VWA5B2: variants seen among roughly 807,000 people sequenced by gnomAD.
The protein encoded by VWA5B2 is von Willebrand factor A domain containing 5B2.
In VWA5B2, 93 loss-of-function variants were observed where a neutral mutation model predicts 118.5. That is an observed-to-expected ratio of 0.79 (90% CI 0.66 to 0.93). The LOEUF is 0.93. Among genes scored for constraint, VWA5B2 ranks in the 40% least tolerant of loss-of-function variants. VWA5B2 has a pLI of 0.00. For synonymous variants in VWA5B2, 708 were observed against 716.3 expected, an observed-to-expected ratio of 0.99 and a Z score of 0.19; for missense variants, 1,546 against 1,672.8, an observed-to-expected ratio of 0.92 and a Z score of 1.32.
In VWA5B2 at chr3:184,239,533, G is replaced by A. The variant is rs1718345559; in HGVS notation, c.2342G>A (p.Gly781Asp). 1 of 1,543,878 alleles carries A rather than the reference G, an allele frequency of 6.5e-7. No homozygotes were observed. The highest frequency in any genetic ancestry group is 8.8e-7 in the Non-Finnish European group (1 of 1,141,692). The change falls in exon 15 of 20, where the codon GGC becomes GAC. Residue 781 changes from glycine to aspartate, a missense_variant. Physicochemically the swap from Gly to Asp is moderately conservative, Grantham distance 94. Coordinates refer to ENST00000691901, the MANE Select transcript of VWA5B2 (RefSeq NM_001390846.1). The surrounding 1 kb of genome is among the most constrained non-coding windows in gnomAD (Gnocchi z 5.1). ...RKPSLGAILD[G>D]PSPEPGQQLG... is the part of the protein sequence containing the mutation. ...CCCTCTTTGGGTGCAATACTAGATG[G>A]CCCAAGTCCTGAGCCAGGCCAACAG...
At chr3:184,232,539 G>A (rs976969340) in intron 3 of VWA5B2, 2 of 152,192 alleles carry the variant, frequency 1.3e-5, no homozygotes, top group Admixed American at 6.5e-5. Context: ...GCCAGACCAC[G>A]TCGGTGGTGT....
In VWA5B2 at chr3:184,241,487, C is replaced by G. The variant is rs906300047; in HGVS notation, c.3181-3C>G. On this transcript the variant is annotated splice_region_variant and splice_polypyrimidine_tract_variant and intron_variant, in intron 19 of 19. Transcript: ENST00000691901. This position sits in a 1 kb window ranked among gnomAD's most constrained non-coding sequence, Gnocchi z 5.1. ...CTTCTCCCCCCACCTCCTCTCTCCT[C>G]AGGTGCGGCTGCAGGAGGCACCAGG... 6 of 1,553,794 alleles carry G rather than the reference C, an allele frequency of 3.9e-6. No individual in the cohort carries two copies. The highest frequency in any genetic ancestry group is 5.2e-6 in the Non-Finnish European group (6 of 1,148,268).
In VWA5B2 at chr3:184,239,715, G is replaced by A; in HGVS notation, c.2419G>A (p.Asp807Asn). 2 of 1,489,494 alleles carry A rather than the reference G, an allele frequency of 1.3e-6. No individual in the cohort carries two copies. The highest frequency in any genetic ancestry group is 1.4e-5 in the South Asian group (1 of 73,622). 92.3% of individuals were successfully genotyped at this position (1,489,494 alleles called of 1,614,324 possible). A position where few individuals can be genotyped will look rare whatever the true frequency, so the allele number is the denominator to read the frequency against. The change falls in exon 16 of 20, where the codon GAC becomes AAC. Residue 807 changes from aspartate to asparagine, a missense_variant. By Grantham distance (23) the Asp-to-Asn change is conservative. Around this residue, in one of 3 missense-constraint regions of VWA5B2, gnomAD observed 763 missense variants for 766.6 expected, o/e 1.00. Transcript: ENST00000691901. The surrounding 1 kb of genome is among the most constrained non-coding windows in gnomAD (Gnocchi z 5.1). ...SGNLLSPAPM[D>N]WDMLMEPPFL... The stretch of plus-strand genomic sequence containing the variant: ...AAACCTGCTCTCCCCAGCCCCTATG[G>A]ACTGGGACATGCTGATGGAACCACC...
Position 184,235,312 on chromosome 3 carries a change from C to T in VWA5B2, c.1101+4C>T, listed in dbSNP as rs764086572. The T allele has an allele frequency of 1.8e-5, 28 of 1,546,510 alleles. No homozygotes were observed. The highest frequency in any genetic ancestry group is 5.9e-5 in the Admixed American group (3 of 50,850). On this transcript the variant is annotated splice_donor_region_variant and intron_variant, in intron 8 of 19. Coordinates refer to ENST00000691901, the MANE Select transcript of VWA5B2 (RefSeq NM_001390846.1). ...TAGCAGCAGCGTGGCACACAAGGCC[C>T]GTGGGGGTGTGGTGTGGGCAGGCCT... is the stretch of plus-strand genomic sequence containing the variant.
At chr3:184,235,372 T>TG in intron 8 of VWA5B2, 64 bp downstream of exon 8, 1 of 1,509,056 alleles carries the variant, frequency 6.6e-7, no homozygotes, top group Admixed American at 2.1e-5. Flanking sequence ...TGAGGAGGGC[T>TG]GGGGGCAGCC....
In VWA5B2 at chr3:184,237,188, T is replaced by C; in HGVS notation, c.1534-38T>C. On this transcript the variant is annotated intron_variant, in intron 11 of 19. Transcript: ENST00000691901. The surrounding 1 kb of genome is among the most constrained non-coding windows in gnomAD (Gnocchi z 5.6). ...GCTCTGTCTGGCCGTATGACACCTCTTTCCTTCCCATGTCTTCCCTGTGGC... is the reference window on the plus strand; with the variant it reads ...GCTCTGTCTGGCCGTATGACACCTCCTTCCTTCCCATGTCTTCCCTGTGGC... 6.5e-7 allele frequency: 1 copy of C among 1,542,510 alleles called. No homozygotes were observed. Among genetic ancestry groups the C allele is most frequent in the Non-Finnish European group, 8.8e-7 (1 of 1,140,928 alleles).
chr3:184,242,210 C>T lies in VWA5B2; in HGVS notation c.*172C>T, dbSNP rs1718805733. 2.4e-6 allele frequency: 2 copies of T among 832,776 alleles called. No homozygotes were observed. The highest frequency in any genetic ancestry group is 3.4e-5 in the South Asian group (2 of 58,780). The allele number at this position is 832,776 out of a possible 1,614,324, so 51.6% of individuals were successfully genotyped here. On this transcript the variant is annotated 3_prime_UTR_variant, in exon 20 of 20. Transcript: ENST00000691901. Reference sequence around the variant, plus strand: ...CCCCCACAAAAAGTGCCTGCCTGTGCTCTCTCCCTCTCCTCCCACCCCACT... The same window carrying T: ...CCCCCACAAAAAGTGCCTGCCTGTGTTCTCTCCCTCTCCTCCCACCCCACT...
In VWA5B2 at chr3:184,230,736, G is replaced by C; in HGVS notation, c.140-11G>C. 1 of 1,216,892 alleles carries C rather than the reference G, an allele frequency of 8.2e-7. No individual in the cohort carries two copies. Among genetic ancestry groups the C allele is most frequent in the Non-Finnish European group, 1.0e-6 (1 of 979,394 alleles). The allele number at this position is 1,216,892 out of a possible 1,614,324, so 75.4% of individuals were successfully genotyped here. ...GCAGGGTCCGACGCCGCCTCCCGCC[G>C]CCCTCCCCAGGCGTGTTCGTGTACC... On this transcript the variant is annotated splice_polypyrimidine_tract_variant and intron_variant, in intron 2 of 19. Coordinates refer to ENST00000691901, the MANE Select transcript of VWA5B2 (RefSeq NM_001390846.1).
In VWA5B2 at chr3:184,233,908, C is replaced by T. The variant is rs1006299911; in HGVS notation, c.688+175C>T. Among the ~76,000 whole-genome samples the T allele has an allele frequency of 1.3e-5, 2 of 152,200 alleles. No individual in the cohort carries two copies. The highest frequency in any genetic ancestry group is 4.8e-5 in the African/African-American group (2 of 41,430). On this transcript the variant is annotated intron_variant, in intron 5 of 19. Transcript: ENST00000691901. This position sits in a 1 kb window ranked among gnomAD's most constrained non-coding sequence, Gnocchi z 5.2. ...GCATCCCCTGGTCACCTCTACCCAA[C>T]ACACACACCCCAATTTTATCAAGGT...
In VWA5B2 at chr3:184,239,477, G is replaced by T. The variant is rs774330942; in HGVS notation, c.2286G>T (p.Arg762=). 6.5e-7 allele frequency: 1 copy of T among 1,550,226 alleles called. No homozygotes were observed. The highest frequency in any genetic ancestry group is 1.4e-5 in the African/African-American group (1 of 73,002). The change falls in exon 15 of 20, where the codon CGG becomes CGT. Residue 762 remains arginine (R), a synonymous_variant. Coordinates refer to ENST00000691901, the MANE Select transcript of VWA5B2 (RefSeq NM_001390846.1). This position sits in a 1 kb window ranked among gnomAD's most constrained non-coding sequence, Gnocchi z 5.1. ...GAAGCCTCTCATCCCCTCCAGGCCG[G>T]GCAAACCAAGTCCCCGGCCGACCCC... ...AGRSLSSPPG[R]ANQVPGRPRK... is the part of the protein sequence containing the mutation.
rs943068313 is a variant in VWA5B2, at chr3:184,230,498, C to T, written c.-31C>T. 1.2e-4 allele frequency: 178 copies of T among 1,428,406 alleles called. No homozygotes were observed. The highest frequency in any genetic ancestry group is 1.6e-4 in the Non-Finnish European group (171 of 1,101,564). 88.5% of individuals were successfully genotyped at this position (1,428,406 alleles called of 1,614,324 possible). A position where few individuals can be genotyped will look rare whatever the true frequency, so the allele number is the denominator to read the frequency against. ...GTCACCCTGCGCCCAGCTTCCCCGG[C>T]CCGTTCCCGCAGGGCCGGCCTCCCG... On this transcript the variant is annotated 5_prime_UTR_variant, in exon 2 of 20. Transcript: ENST00000691901.
intron 3 of VWA5B2, 55 bp downstream of exon 3, chr3:184,230,972 C>G: frequency 2.5e-6 from 3 of 1,206,240 alleles, no homozygotes; most frequent in Non-Finnish European, 3.1e-6. Flanking sequence ...AGCTCAGGCT[C>G]CCGCATCCGC....
rs1718334434 is a variant in VWA5B2, at chr3:184,239,466, C to T, written c.2275C>T (p.Pro759Ser). 6.5e-7 allele frequency: 1 copy of T among 1,550,198 alleles called. No homozygotes were observed. The highest frequency in any genetic ancestry group is 2.4e-5 in the East Asian group (1 of 40,898). ...AALAGRSLSSPPGRANQVPGR... is the reference protein window; with the variant it reads ...AALAGRSLSSSPGRANQVPGR... ...TCTGGCTGGCCGAAGCCTCTCATCCCCTCCAGGCCGGGCAAACCAAGTCCC... is the reference window on the plus strand; with the variant it reads ...TCTGGCTGGCCGAAGCCTCTCATCCTCTCCAGGCCGGGCAAACCAAGTCCC... Residue 759 changes from proline to serine, a missense_variant, in exon 15 of 20, where the codon CCT becomes TCT. Coordinates refer to ENST00000691901, the MANE Select transcript of VWA5B2 (RefSeq NM_001390846.1). This position sits in a 1 kb window ranked among gnomAD's most constrained non-coding sequence, Gnocchi z 5.1.
At position 184,235,171 on chromosome 3, in the gene VWA5B2, C is replaced by A. The variant is rs537122027; in HGVS notation, c.964C>A (p.Arg322Ser). 6.4e-7 allele frequency: 1 copy of A among 1,551,488 alleles called. No homozygotes were observed. Among genetic ancestry groups the A allele is most frequent in the Non-Finnish European group, 8.7e-7 (1 of 1,146,946 alleles). Residue 322 changes from arginine (R) to serine (S), a missense_variant, in exon 8 of 20, where the codon CGC becomes AGC. Physicochemically the swap from Arg to Ser is moderately radical, Grantham distance 110 (BLOSUM62 -1). Around this residue, in one of 3 missense-constraint regions of VWA5B2, gnomAD observed 775 missense variants for 882.3 expected, o/e 0.88. Coordinates refer to ENST00000691901, the MANE Select transcript of VWA5B2 (RefSeq NM_001390846.1). ...GDRQVWFLQR[R>S]FHKDILLNPV... ...CGCTCAGGTGTGGTTCCTGCAGCGA[C>A]GCTTCCACAAGGACATCCTGCTGAA...
Position 184,239,373 on chromosome 3 carries a change from G to A in VWA5B2, c.2203-21G>A. The A allele has an allele frequency of 1.3e-6, 2 of 1,512,952 alleles. No homozygotes were observed. Among genetic ancestry groups the A allele is most frequent in the South Asian group, 2.5e-5 (2 of 80,624 alleles). The allele number at this position is 1,512,952 out of a possible 1,614,324, so 93.7% of individuals were successfully genotyped here. A position where few individuals can be genotyped will look rare whatever the true frequency, so the allele number is the denominator to read the frequency against. ...AGGGTTCTGCATTCCTTGACCAGTG[G>A]CCCCCATATCTCACATGCAGGTGGG... On this transcript the variant is annotated intron_variant, in intron 14 of 19. Transcript: ENST00000691901. The surrounding 1 kb of genome is among the most constrained non-coding windows in gnomAD (Gnocchi z 5.1).
In VWA5B2 at chr3:184,239,322, A is replaced by C. The variant is rs1264610234; in HGVS notation, c.2203-72A>C. 2.8e-6 allele frequency: 4 copies of C among 1,408,052 alleles called. No individual in the cohort carries two copies. The highest frequency in any genetic ancestry group is 2.5e-4 in the Middle Eastern group (1 of 3,972). The allele number at this position is 1,408,052 out of a possible 1,614,324, so 87.2% of individuals were successfully genotyped here. ...GGGTTTCAGAAAAGGGGCATGGGCC[A>C]GCTGTGCACCCATGTATGATGGTCA... On this transcript the variant is annotated intron_variant, in intron 14 of 19. Coordinates refer to ENST00000691901, the MANE Select transcript of VWA5B2 (RefSeq NM_001390846.1). The surrounding 1 kb of genome is among the most constrained non-coding windows in gnomAD (Gnocchi z 5.1).
At position 184,231,889 on chromosome 3, in the gene VWA5B2, G is replaced by T. The variant is rs551004393; in HGVS notation, c.310+972G>T. Reference sequence around the variant, plus strand: ...GGCTTGTGGTTAGAGGCTAGAGTGAGCTCTGGGCTGAGGCCCCAGGAATGT... The same window carrying T: ...GGCTTGTGGTTAGAGGCTAGAGTGATCTCTGGGCTGAGGCCCCAGGAATGT... On this transcript the variant is annotated intron_variant, in intron 3 of 19. Transcript: ENST00000691901. Among the ~76,000 whole-genome samples the T allele has an allele frequency of 2.6e-5, 4 of 152,352 alleles. No homozygotes were observed. The South Asian group carries it at 8.3e-4, about 32-fold the overall frequency.
Position 184,230,467 on chromosome 3 carries a change from C to T in VWA5B2, c.-62C>T. Reference sequence around the variant, plus strand: ...GCTGGCCTCTGGAGCGCGGGGTGGGCGTCCCGTCACCCTGCGCCCAGCTTC... The same window carrying T: ...GCTGGCCTCTGGAGCGCGGGGTGGGTGTCCCGTCACCCTGCGCCCAGCTTC... On this transcript the variant is annotated 5_prime_UTR_variant, in exon 2 of 20. Transcript: ENST00000691901. The T allele has an allele frequency of 7.3e-7, 1 of 1,379,106 alleles. No individual in the cohort carries two copies. Among genetic ancestry groups the T allele is most frequent in the Non-Finnish European group, 9.3e-7 (1 of 1,075,960 alleles). 85.4% of individuals were successfully genotyped at this position (1,379,106 alleles called of 1,614,324 possible).
chr3:184,233,158 C>T lies in VWA5B2; in HGVS notation c.311-20C>T. On this transcript the variant is annotated intron_variant, in intron 3 of 19. Coordinates refer to ENST00000691901, the MANE Select transcript of VWA5B2 (RefSeq NM_001390846.1). This position sits in a 1 kb window ranked among gnomAD's most constrained non-coding sequence, Gnocchi z 5.2. ...CCTCTGCTTCCAGCATGCTCTGACC[C>T]CATTTCTCACCCATCATAGGTCATC... 1 of 1,545,152 alleles carries T rather than the reference C, an allele frequency of 6.5e-7. No homozygotes were observed. Among genetic ancestry groups the T allele is most frequent in the Non-Finnish European group, 8.7e-7 (1 of 1,143,664 alleles).
Sources: gnomAD v4.1 joint callset for allele counts (sites outside exome capture counted in the v4.1 genomes callset) on GRCh38, gnomAD v4.1.1 for gene constraint, gnomAD v4.1.1 regional missense constraint, Gnocchi (gnomAD v3.1) non-coding constraint, MANE v1.5 for transcripts, NCBI Gene and HGNC (gene_info 2026-07-23, HGNC 2026-07-21) for gene names.